The following OGFOD3 variants were observed in gnomAD, a reference collection of about 807,000 sequenced individuals.
OGFOD3 encodes the protein 2-oxoglutarate and iron dependent oxygenase domain containing 3, also known as 2-oxoglutarate and iron-dependent oxygenase domain-containing protein 3.
In OGFOD3, 35 loss-of-function variants were observed where a neutral mutation model predicts 39.8. The observed-to-expected ratio is 0.88, with a 90% confidence interval of 0.67 to 1.17. The LOEUF is 1.17. Ranked by LOEUF, OGFOD3 falls within the 50% of genes most tolerant of loss-of-function variation. The pLI is 0.00. For synonymous variants in OGFOD3, 200 were observed against 192.0 expected (o/e 1.04, Z -0.34); for missense variants, 438 against 454.5 (o/e 0.96, Z 0.33).
intron 7 of OGFOD3, chr17:82,400,977 A>C (rs562915772): frequency 1.3e-5 from 2 of 152,270 alleles, no homozygotes; most frequent in East Asian, 3.9e-4. Flanking sequence ...GTGCCGGCGG[A>C]AGGCCAGTAA....
chr17:82,412,385 CA>C (rs1477021515), intron 2 of OGFOD3, among the ~76,000 whole-genome samples: 6 of 92,888 alleles, frequency 6.5e-5, no homozygotes, highest in African/African-American at 2.7e-4. Context: ...GTTATCGGGG[CA>C]GGGGCATGGT....
chr17:82,410,501 T>C (rs911984096), intron 3 of OGFOD3, among the ~76,000 whole-genome samples: 1 of 152,162 alleles, frequency 6.6e-6, no homozygotes, highest in Admixed American at 6.5e-5. Flanking sequence ...GGAGGCAGTT[T>C]CAGAGCAGAC....
At chr17:82,396,066 TACA>T (rs1461276180) in intron 8 of OGFOD3, among the ~76,000 whole-genome samples, 3 of 147,572 alleles carry the variant, frequency 2.0e-5, no homozygotes, top group African/African-American at 7.6e-5. Context: ...CACACAGATG[TACA>T]ACATCACAGG....
At chr17:82,416,921 C>T (rs1457456489) in intron 1 of OGFOD3, among the ~76,000 whole-genome samples, 4 of 152,070 alleles carry the variant, frequency 2.6e-5, no homozygotes, top group South Asian at 2.1e-4. Context: ...GTAATCTAAC[C>T]GCCTCAGCCT....
rs570339440 is a variant in OGFOD3, at chr17:82,400,529, A to G, written c.700-2210T>C. On this transcript the variant is annotated intron_variant, in intron 7 of 8. Transcript: ENST00000313056. Reference sequence around the variant, plus strand: ...AATGTGATTCTTTACAACTGACAGAATGCGGTATTCTTATGCATTCGTTTT... The same window carrying G: ...AATGTGATTCTTTACAACTGACAGAGTGCGGTATTCTTATGCATTCGTTTT... Among the ~76,000 whole-genome samples the G allele has an allele frequency of 3.1e-3, 476 of 152,348 alleles. 10 individuals are homozygous for G. Among genetic ancestry groups the G allele is most frequent in the Non-Finnish European group, 4.0e-3 (274 of 68,032 alleles).
chr17:82,401,815 A>AAAAAAAAAAAAAAC, intron 7 of OGFOD3, among the ~76,000 whole-genome samples: 2 of 149,676 alleles, frequency 1.3e-5, no homozygotes, highest in Non-Finnish European at 3.0e-5. Context: ...AAAAAAAAAA[A>AAAAAAAAAAAAAAC]AAAAAAAACA....
At chr17:82,398,401 T>C (rs1165126858) in intron 7 of OGFOD3, 82 bp from the exon 8 acceptor site, 1 of 1,534,306 alleles carries the variant, frequency 6.5e-7, no homozygotes, top group African/African-American at 1.4e-5. Flanking sequence ...CTCTTATTTT[T>C]TGTTTATTTA....
intron 8 of OGFOD3, among the ~76,000 whole-genome samples, chr17:82,396,188 C>T (rs538395582): frequency 1.5e-4 from 22 of 148,246 alleles, no homozygotes; most frequent in African/African-American, 4.7e-4. Flanking sequence ...CATAGATACA[C>T]ACAATTAGAC....
intron 3 of OGFOD3, among the ~76,000 whole-genome samples, chr17:82,409,878 A>G (rs2052916523): frequency 6.6e-6 from 1 of 152,068 alleles, no homozygotes; most frequent in Non-Finnish European, 1.5e-5. Flanking sequence ...CTGGACAACA[A>G]AGCAAGACTC....
intron 8 of OGFOD3, 102 bp downstream of exon 8, chr17:82,398,094 T>C: frequency 7.0e-7 from 1 of 1,425,966 alleles, no homozygotes; most frequent in South Asian, 1.2e-5. Flanking sequence ...ACACAGCAGA[T>C]GCTCCGTGAA....
At chr17:82,408,581 C>A (rs1033896749) in intron 4 of OGFOD3, among the ~76,000 whole-genome samples, 1 of 147,286 alleles carries the variant, frequency 6.8e-6, no homozygotes, top group Non-Finnish European at 1.5e-5. Flanking sequence ...AGTCTAAAAT[C>A]GAGGTGTGGG....
chr17:82,418,356 C>T, intron 1 of OGFOD3, 56 bp downstream of exon 1: 1 of 1,162,000 alleles, frequency 8.6e-7, no homozygotes, highest in Non-Finnish European at 1.2e-6. Flanking sequence ...CAGTCCCGCC[C>T]ACTCCATGGC....
chr17:82,415,624 G>T lies in OGFOD3; in HGVS notation c.78C>A (p.Thr26=). The part of the protein sequence containing the change: ...GAAERRNRSS[T]KKDRAPREVQ... Reference sequence around the variant, plus strand: ...CCTCCCGCGGGGCTCGGTCCTTCTTGGTGCTGAGAACAGAAAACAGGCCAC... The same window carrying T: ...CCTCCCGCGGGGCTCGGTCCTTCTTTGTGCTGAGAACAGAAAACAGGCCAC... The change falls in exon 2 of 9, where the codon ACC becomes ACA. Residue 26 remains threonine (T), a synonymous_variant. Transcript: ENST00000313056. This position sits in a 1 kb window ranked among gnomAD's most constrained non-coding sequence, Gnocchi z 5.3. 6.2e-7 allele frequency: 1 copy of T among 1,608,994 alleles called. No homozygotes were observed.
At chr17:82,411,641 G>C in intron 2 of OGFOD3, 111 bp from the exon 3 acceptor site, 1 of 790,802 alleles carries the variant, frequency 1.3e-6, no homozygotes, top group Non-Finnish European at 2.1e-6. Flanking sequence ...GTGAATTTCA[G>C]ACACACACAA....
chr17:82,402,440 A>G (rs185130919), intron 7 of OGFOD3, among the ~76,000 whole-genome samples: 228 of 151,244 alleles, frequency 1.5e-3, no homozygotes, highest in African/African-American at 5.1e-3. Flanking sequence ...CTCAAAAAAA[A>G]AAAGAAAGAA....
Position 82,390,717 on chromosome 17 carries a change from C to T in OGFOD3, c.*1681G>A, listed in dbSNP as rs1280412532. Reference sequence around the variant, plus strand: ...ACCAAGGTGCGGCCCCCAAGTCCCCCGTACCCAGGGGTCACCATGCCTCAG... The same window carrying T: ...ACCAAGGTGCGGCCCCCAAGTCCCCTGTACCCAGGGGTCACCATGCCTCAG... On this transcript the variant is annotated 3_prime_UTR_variant, in exon 9 of 9. Transcript: ENST00000313056. This position sits in a 1 kb window ranked among gnomAD's most constrained non-coding sequence, Gnocchi z 4.9. 5.9e-5 allele frequency: 12 copies of T among 203,852 alleles called. No individual in the cohort carries two copies. Among genetic ancestry groups the T allele is most frequent in the African/African-American group, 4.8e-5 (2 of 41,684 alleles). 12.6% of individuals were successfully genotyped at this position (203,852 alleles called of 1,614,324 possible).
At chr17:82,412,990 G>A (rs1732303848) in intron 2 of OGFOD3, among the ~76,000 whole-genome samples, 1 of 152,230 alleles carries the variant, frequency 6.6e-6, no homozygotes, top group African/African-American at 2.4e-5. Context: ...GCACCGAGAT[G>A]ACCTTGGTTC....
intron 4 of OGFOD3, among the ~76,000 whole-genome samples, chr17:82,408,596 G>A (rs1350838292): frequency 2.0e-5 from 3 of 151,226 alleles, no homozygotes; most frequent in African/African-American, 7.3e-5. Flanking sequence ...TGTGGGAGGG[G>A]CCCTGCTCCC....
Position 82,392,208 on chromosome 17 carries a change from G to T in OGFOD3, c.*190C>A. On this transcript the variant is annotated 3_prime_UTR_variant, in exon 9 of 9. Transcript: ENST00000313056. This position sits in a 1 kb window ranked among gnomAD's most constrained non-coding sequence, Gnocchi z 4.2. Reference sequence around the variant, plus strand: ...GGCCTACAGCCCAAGCACACATGATGCTGGAGAAGTGAAAAGCTGGTTCCC... The same window carrying T: ...GGCCTACAGCCCAAGCACACATGATTCTGGAGAAGTGAAAAGCTGGTTCCC... 1 of 684,842 alleles carries T rather than the reference G, an allele frequency of 1.5e-6. No homozygotes were observed. Among genetic ancestry groups the T allele is most frequent in the Non-Finnish European group, 2.4e-6 (1 of 415,160 alleles). 42.4% of individuals were successfully genotyped at this position (684,842 alleles called of 1,614,324 possible).
Sources: allele counts gnomAD v4.1 joint callset (sites outside exome capture counted in the v4.1 genomes callset), GRCh38; gene constraint gnomAD v4.1.1; non-coding constraint Gnocchi (gnomAD v3.1); transcripts MANE v1.5; gene names NCBI Gene and HGNC (gene_info 2026-07-23, HGNC 2026-07-21).